The following NPAS3 variants were observed in gnomAD, a reference collection of about 807,000 sequenced individuals.
NPAS3 encodes the protein neuronal PAS domain protein 3, also known as neuronal PAS domain-containing protein 3.
NPAS3 carries 14 observed loss-of-function variants against 73.1 expected under a neutral mutation model. That is an observed-to-expected ratio of 0.19 (90% CI 0.13 to 0.30). NPAS3 has a LOEUF of 0.30. NPAS3 is among the 10% of genes least tolerant of loss of function. NPAS3 has a pLI of 1.00. For synonymous variants in NPAS3, 620 were observed against 541.5 expected (o/e 1.14, Z -2.01); for missense variants, 1,096 against 1,250.0 (o/e 0.88, Z 1.86).
chr14:33,351,841 G>A lies in NPAS3; in HGVS notation c.386-15345G>A, dbSNP rs139608631. On this transcript the variant is annotated intron_variant, in intron 3 of 11. Coordinates refer to ENST00000356141, the Ensembl canonical transcript of NPAS3. ...ATGTTCTCACTCATAAGTGGGAGTT[G>A]AACTATGAGAACACATGGACCCAGG... 2.6e-3 allele frequency among the ~76,000 whole-genome samples: 403 copies of A among 152,248 alleles called. 2 individuals carry two copies. Among genetic ancestry groups the A allele is most frequent in the African/African-American group, 9.1e-3 (380 of 41,538 alleles).
At chr14:33,289,821 CAAA>C (rs34641267) in intron 3 of NPAS3, among the ~76,000 whole-genome samples, 7,608 of 142,164 alleles carry the variant, frequency 0.054, 207 homozygotes, top group East Asian at 0.13. Context: ...GACTCCGTCT[CAAA>C]AAAAAAAAAA....
chr14:33,379,237 T>A (rs1363090477), intron 4 of NPAS3, among the ~76,000 whole-genome samples: 2 of 152,058 alleles, frequency 1.3e-5, no homozygotes, highest in African/African-American at 4.8e-5. Flanking sequence ...TTCAAGTTGC[T>A]ATTTTACCAA....
intron 2 of NPAS3, among the ~76,000 whole-genome samples, chr14:33,183,707 T>C (rs2045886116): frequency 6.6e-6 from 1 of 152,042 alleles, no homozygotes; most frequent in Non-Finnish European, 1.5e-5. Flanking sequence ...TCTAAAGTCA[T>C]ATCTCTCCAT....
At chr14:33,612,955 C>CA (rs1185102505) in intron 5 of NPAS3, among the ~76,000 whole-genome samples, 1 of 151,404 alleles carries the variant, frequency 6.6e-6, no homozygotes, top group Non-Finnish European at 1.5e-5. Context: ...TTCCATCAAC[C>CA]AAAAAAAGAA....
chr14:33,087,793 C>G (rs772278466), intron 2 of NPAS3, among the ~76,000 whole-genome samples: 2 of 152,110 alleles, frequency 1.3e-5, no homozygotes, highest in Non-Finnish European at 2.9e-5. Flanking sequence ...TTAATGAAAA[C>G]TTAGTATATC....
chr14:33,675,020 T>G (rs1187844609), intron 5 of NPAS3, among the ~76,000 whole-genome samples: 1 of 152,042 alleles, frequency 6.6e-6, no homozygotes, highest in Non-Finnish European at 1.5e-5. Flanking sequence ...ATGCTGGAAA[T>G]TATCCTGGAA....
intron 3 of NPAS3, among the ~76,000 whole-genome samples, chr14:33,343,910 G>A (rs1215562520): frequency 2.0e-5 from 3 of 152,140 alleles, no homozygotes; most frequent in Admixed American, 6.6e-5. Flanking sequence ...TTGTCGCCTC[G>A]TGCAAATATT....
At chr14:33,760,463 CACA>C (rs1306946905) in intron 7 of NPAS3, among the ~76,000 whole-genome samples, 1 of 152,130 alleles carries the variant, frequency 6.6e-6, no homozygotes, top group African/African-American at 2.4e-5. Flanking sequence ...GGAAGAAGTG[CACA>C]ACATGATACA....
At chr14:33,607,672 G>T (rs902839195) in intron 5 of NPAS3, among the ~76,000 whole-genome samples, 17 of 152,134 alleles carry the variant, frequency 1.1e-4, no homozygotes, top group African/African-American at 4.1e-4. Flanking sequence ...TTCTTTGTCA[G>T]TTGTACCTCT....
At chr14:33,034,120 A>G (rs1420053248) in intron 1 of NPAS3, among the ~76,000 whole-genome samples, 1 of 152,100 alleles carries the variant, frequency 6.6e-6, no homozygotes, top group Non-Finnish European at 1.5e-5. Context: ...TGTTATTTTT[A>G]TATGGGGTTA....
chr14:33,759,962 A>T (rs539854373), intron 7 of NPAS3, among the ~76,000 whole-genome samples: 1 of 152,308 alleles, frequency 6.6e-6, no homozygotes, highest in East Asian at 1.9e-4. Flanking sequence ...AAATATCAAG[A>T]CTTCCTTAGT....
At chr14:33,448,457 G>A (rs373573582) in intron 4 of NPAS3, among the ~76,000 whole-genome samples, 9 of 152,228 alleles carry the variant, frequency 5.9e-5, no homozygotes, top group East Asian at 1.9e-4. Context: ...CGGAAGGGTC[G>A]CTGAGGGCAA....
chr14:33,701,808 T>C (rs1266411585), intron 6 of NPAS3, among the ~76,000 whole-genome samples: 1 of 152,206 alleles, frequency 6.6e-6, no homozygotes, highest in African/African-American at 2.4e-5. Context: ...TGAGGTACAA[T>C]TTGTGATTAG....
At chr14:32,984,848 T>C (rs1244749510) in intron 1 of NPAS3, among the ~76,000 whole-genome samples, 1 of 152,170 alleles carries the variant, frequency 6.6e-6, no homozygotes, top group East Asian at 1.9e-4. Flanking sequence ...CTAAAAGAGT[T>C]TGTGGGGGAA....
At chr14:33,642,795 C>T (rs886106608) in intron 5 of NPAS3, among the ~76,000 whole-genome samples, 1 of 152,122 alleles carries the variant, frequency 6.6e-6, no homozygotes, top group African/African-American at 2.4e-5. Context: ...ACCTCTCTTC[C>T]GGTGGTTTTG....
intron 3 of NPAS3, among the ~76,000 whole-genome samples, chr14:33,267,253 C>A (rs913190265): frequency 6.6e-6 from 1 of 152,116 alleles, no homozygotes; most frequent in African/African-American, 2.4e-5. Flanking sequence ...TTGCTTCCAG[C>A]TCATTGTACT....
intron 1 of NPAS3, among the ~76,000 whole-genome samples, chr14:32,972,394 T>C (rs2139325330): frequency 6.6e-6 from 1 of 152,344 alleles, no homozygotes. Context: ...TTGAAAATAA[T>C]TCATGTCTGT....
chr14:33,682,124 C>CA (rs2059956709), intron 6 of NPAS3, among the ~76,000 whole-genome samples: 1 of 152,040 alleles, frequency 6.6e-6, no homozygotes, highest in Non-Finnish European at 1.5e-5. Context: ...GAATGTTTAT[C>CA]AAACTGTAAA....
chr14:33,183,000 CCTT>C (rs2045849272), intron 2 of NPAS3, among the ~76,000 whole-genome samples: 1 of 152,294 alleles, frequency 6.6e-6, no homozygotes, highest in South Asian at 2.1e-4. Flanking sequence ...TGGACAACTC[CCTT>C]CTTCAAGAAA....
Sources: allele counts gnomAD v4.1 joint callset (sites outside exome capture counted in the v4.1 genomes callset), GRCh38; gene constraint gnomAD v4.1.1; transcripts MANE v1.5; gene names NCBI Gene and HGNC (gene_info 2026-07-23, HGNC 2026-07-21).